The following XPR1 variants were observed in gnomAD, a reference collection of about 807,000 sequenced individuals.
XPR1 encodes solute carrier family 53 member 1.
A neutral mutation model predicts 87.5 loss-of-function variants in XPR1; 28 were observed. That is an observed-to-expected ratio of 0.32 (90% CI 0.24 to 0.44). The LOEUF (loss-of-function observed/expected upper bound fraction) is 0.44. XPR1 is among the 20% of genes least tolerant of loss of function. The pLI, the probability that XPR1 is intolerant of heterozygous loss-of-function variation, is 1.00. For missense variants in XPR1, 559 were observed against 862.3 expected (o/e 0.65, Z 4.41); for synonymous variants, 300 against 306.1 (o/e 0.98, Z 0.21).
chr1:180,873,292 C>T (rs1233320709), intron 12 of XPR1, among the ~76,000 whole-genome samples: 1 of 152,188 alleles, frequency 6.6e-6, no homozygotes, highest in Non-Finnish European at 1.5e-5. Flanking sequence ...TTCTTAAATT[C>T]AACCACGGTT....
Position 180,803,188 on chromosome 1 carries a change from G to A in XPR1, c.224-200G>A, listed in dbSNP as rs34815509. On this transcript the variant is annotated intron_variant, in intron 3 of 14. Transcript: ENST00000367590. Reference sequence around the variant, plus strand: ...TTATTTATTCATTTGTAAAAAGAAAGGGTACATGAGGTTTTATGGGGGGTA... The same window carrying A: ...TTATTTATTCATTTGTAAAAAGAAAAGGTACATGAGGTTTTATGGGGGGTA... 0.041 allele frequency among the ~76,000 whole-genome samples: 6,244 copies of A among 152,222 alleles called. 161 individuals are homozygous for A. Among genetic ancestry groups the A allele is most frequent in the African/African-American group, 0.072 (2,995 of 41,528 alleles).
intron 9 of XPR1, among the ~76,000 whole-genome samples, chr1:180,831,536 T>C (rs367646557): frequency 1.1e-3 from 160 of 149,798 alleles, no homozygotes; most frequent in African/African-American, 3.4e-3. Flanking sequence ...CCTAATGTTA[T>C]CCCTCCCCCT....
intron 11 of XPR1, among the ~76,000 whole-genome samples, chr1:180,861,387 A>G (rs201885026): frequency 1.3e-5 from 2 of 152,106 alleles, no homozygotes; most frequent in Non-Finnish European, 2.9e-5. Context: ...GATGAATTGT[A>G]GTATCTTTTT....
At chr1:180,842,982 G>A (rs1388993381) in intron 11 of XPR1, among the ~76,000 whole-genome samples, 2 of 152,174 alleles carry the variant, frequency 1.3e-5, no homozygotes, top group African/African-American at 4.8e-5. Flanking sequence ...ATGTCTGTGT[G>A]GTTGTTTTCC....
rs557471639 is a variant in XPR1, at chr1:180,655,194, A to G, written c.69+22924A>G. Among the ~76,000 whole-genome samples the G allele has an allele frequency of 2.6e-5, 4 of 152,062 alleles. No homozygotes were observed. The East Asian group carries it at 7.7e-4, about 29-fold the overall frequency. On this transcript the variant is annotated intron_variant, in intron 1 of 14. Transcript: ENST00000367590. ...GATTAGTGATGCTGAGCATCTTTTT[A>G]TGTGGTTAGTTTGGTTATTTCTTCA...
intron 2 of XPR1, among the ~76,000 whole-genome samples, chr1:180,774,081 A>T (rs531426618): frequency 3.0e-4 from 45 of 152,172 alleles, no homozygotes; most frequent in South Asian, 2.7e-3. Flanking sequence ...TCTTTTAGTC[A>T]TTGGAAGAGT....
intron 2 of XPR1, among the ~76,000 whole-genome samples, chr1:180,756,753 T>A (rs983065486): frequency 2.6e-5 from 4 of 152,190 alleles, no homozygotes; most frequent in Admixed American, 2.6e-4. Context: ...AATGTAATGA[T>A]AGCATTGTGG....
intron 3 of XPR1, among the ~76,000 whole-genome samples, chr1:180,799,281 A>G (rs1649697208): frequency 6.6e-6 from 1 of 151,652 alleles, no homozygotes; most frequent in Non-Finnish European, 1.5e-5. Flanking sequence ...GAGAGGAACC[A>G]CTCCTACTTC....
intron 1 of XPR1, among the ~76,000 whole-genome samples, chr1:180,645,683 CACAG>C (rs1655098375): frequency 6.6e-6 from 1 of 152,236 alleles, no homozygotes; most frequent in African/African-American, 2.4e-5. Flanking sequence ...TCCATCTCCT[CACAG>C]AGCTGTGCAA....
chr1:180,692,274 G>C (rs1317837676), intron 2 of XPR1, among the ~76,000 whole-genome samples: 1 of 152,058 alleles, frequency 6.6e-6, no homozygotes, highest in Non-Finnish European at 1.5e-5. Context: ...CAAGGGACTA[G>C]TAGTGAGGTT....
intron 1 of XPR1, among the ~76,000 whole-genome samples, chr1:180,674,114 ATTG>A (rs1326415827): frequency 6.6e-6 from 1 of 152,206 alleles, no homozygotes; most frequent in African/African-American, 2.4e-5. Flanking sequence ...CAAACTTAAT[ATTG>A]TTTTAAGAGT....
Position 180,799,463 on chromosome 1 carries a change from G to T in XPR1, c.224-3925G>T, listed in dbSNP as rs149576825. Among the ~76,000 whole-genome samples the T allele has an allele frequency of 3.9e-5, 6 of 152,308 alleles. No individual in the cohort carries two copies. The East Asian group carries it at 7.7e-4, about 20-fold the overall frequency. ...ATCTATTTCTGGGTATATAGTAAAA[G>T]ACCATTTTCTTCCATGGCTATGAGC... On this transcript the variant is annotated intron_variant, in intron 3 of 14. Transcript: ENST00000367590.
intron 1 of XPR1, among the ~76,000 whole-genome samples, chr1:180,651,490 C>T (rs1655290987): frequency 6.6e-6 from 1 of 152,172 alleles, no homozygotes; most frequent in Non-Finnish European, 1.5e-5. Flanking sequence ...ACATCTTTAA[C>T]ATTGGGATGC....
At chr1:180,846,586 C>T (rs1022995057) in intron 11 of XPR1, among the ~76,000 whole-genome samples, 4 of 151,788 alleles carry the variant, frequency 2.6e-5, no homozygotes, top group Middle Eastern at 3.4e-3. Flanking sequence ...GGATTACACA[C>T]GCCCACCACC....
chr1:180,728,201 A>G (rs1172058026), intron 2 of XPR1, among the ~76,000 whole-genome samples: 4 of 151,490 alleles, frequency 2.6e-5, no homozygotes, highest in Admixed American at 1.3e-4. Flanking sequence ...TTTAAAAGAT[A>G]TGGATGATTT....
At chr1:180,673,811 A>G (rs935599546) in intron 1 of XPR1, among the ~76,000 whole-genome samples, 4 of 152,248 alleles carry the variant, frequency 2.6e-5, no homozygotes, top group Non-Finnish European at 4.4e-5. Context: ...GTTGGGGACC[A>G]CTGATCTAGA....
chr1:180,883,626 T>C (rs763033734), intron 14 of XPR1, among the ~76,000 whole-genome samples: 4 of 151,836 alleles, frequency 2.6e-5, no homozygotes, highest in Non-Finnish European at 5.9e-5. Context: ...GGAGAATTGC[T>C]TGAGCCTGGG....
Position 180,703,257 on chromosome 1 carries a change from G to T in XPR1, c.121+20846G>T, listed in dbSNP as rs550992792. ...ATGCCAGCAGTAGTGATCAGGGTGGGTTGATTCCCAGGTCACTAGTTGGCA... is the reference window on the plus strand; with the variant it reads ...ATGCCAGCAGTAGTGATCAGGGTGGTTTGATTCCCAGGTCACTAGTTGGCA... On this transcript the variant is annotated intron_variant, in intron 2 of 14. Transcript: ENST00000367590. 5.1e-4 allele frequency among the ~76,000 whole-genome samples: 78 copies of T among 152,254 alleles called. No individual in the cohort carries two copies. The South Asian group carries it at 0.016, about 30-fold the overall frequency.
In XPR1 at chr1:180,890,231, ATT is replaced by A. The variant is rs879523838; in HGVS notation, c.*6167_*6168del. The A allele has an allele frequency of 1.3e-5, 2 of 152,180 alleles. No individual in the cohort carries two copies. Among genetic ancestry groups the A allele is most frequent in the Non-Finnish European group, 2.9e-5 (2 of 68,030 alleles). 9.4% of individuals were successfully genotyped at this position (152,180 alleles called of 1,614,324 possible). A position where few individuals can be genotyped will look rare whatever the true frequency, so the allele number is the denominator to read the frequency against. ...ACTCTGTCCTTTTTTCATTATTACA[ATT>A]TCTCTCTGTTTTCCAACAGTTTGCT... On this transcript the variant is annotated 3_prime_UTR_variant, in exon 15 of 15. Transcript: ENST00000367590.
Sources: allele counts gnomAD v4.1 joint callset (sites outside exome capture counted in the v4.1 genomes callset), GRCh38; gene constraint gnomAD v4.1.1; transcripts MANE v1.5; gene names NCBI Gene and HGNC (gene_info 2026-07-23, HGNC 2026-07-21).